The following RTL4 variants were observed in gnomAD, a reference collection of about 807,000 sequenced individuals.
The protein encoded by RTL4 is retrotransposon Gag-like protein 4.
RTL4 carries 4 observed loss-of-function variants against 5.3 expected under a neutral mutation model. The observed-to-expected ratio is 0.75, with a 90% CI of 0.37 to 1.72. The LOEUF is 1.72. Among genes scored for constraint, RTL4 ranks in the 40% most tolerant of loss-of-function variants. The pLI is 0.04. For missense variants in RTL4, 260 were observed against 227.1 expected (o/e 1.14, Z -0.93); for synonymous variants, 98 against 87.3 (o/e 1.12, Z -0.68).
the RTL4 span, among the ~76,000 whole-genome samples, chrX:112,441,880 T>A: frequency 8.9e-6 from 1 of 112,261 alleles, no homozygotes; most frequent in East Asian, 2.8e-4. Context: ...ATAACTCAGC[T>A]GTCCATCAGC....
the RTL4 span, among the ~76,000 whole-genome samples, chrX:112,425,213 T>G: frequency 1.8e-5 from 2 of 111,488 alleles, no homozygotes; most frequent in African/African-American, 6.5e-5. Flanking sequence ...CTTCTTGCAC[T>G]TTGTAATATG....
chrX:112,155,845 C>A, the RTL4 span, among the ~76,000 whole-genome samples: 15 of 111,410 alleles, frequency 1.3e-4, no homozygotes, highest in Non-Finnish European at 2.1e-4. Context: ...TTATCACCAA[C>A]AATCATTCCC....
At chrX:112,354,259 C>G in the RTL4 span, among the ~76,000 whole-genome samples, 1 of 110,922 alleles carries the variant, frequency 9.0e-6, no homozygotes, top group East Asian at 2.9e-4. Context: ...AATCCAGGCT[C>G]TACTACATAC....
At chrX:112,332,159 A>T in the RTL4 span, among the ~76,000 whole-genome samples, 3 of 87,682 alleles carry the variant, frequency 3.4e-5, no homozygotes, top group Non-Finnish European at 6.1e-5. Context: ...AAAGTACAAT[A>T]AAAAAAAAAA....
chrX:112,390,142 T>TATATA, the RTL4 span, among the ~76,000 whole-genome samples: 24 of 45,536 alleles, frequency 5.3e-4, no homozygotes, highest in Non-Finnish European at 8.6e-4. Context: ...TATATATATA[T>TATATA]ATATATATAT....
chrX:112,368,770 C>CACT, the RTL4 span, among the ~76,000 whole-genome samples: 1 of 112,062 alleles, frequency 8.9e-6, no homozygotes, highest in Non-Finnish European at 1.9e-5. Context: ...AACTGACAAG[C>CACT]TAAAGTGCTT....
the RTL4 span, among the ~76,000 whole-genome samples, chrX:112,167,113 G>T: frequency 1.8e-5 from 2 of 111,787 alleles, no homozygotes; most frequent in Non-Finnish European, 3.8e-5. Context: ...CCATGAGTTT[G>T]CATGTGCAAA....
At chrX:112,113,791 C>T in the RTL4 span, among the ~76,000 whole-genome samples, 1 of 111,906 alleles carries the variant, frequency 8.9e-6, no homozygotes, top group Non-Finnish European at 1.9e-5. Flanking sequence ...GCCAACCACA[C>T]TGATAACAAG....
chrX:112,127,627 G>A, the RTL4 span, among the ~76,000 whole-genome samples: 25 of 111,694 alleles, frequency 2.2e-4, no homozygotes, highest in Non-Finnish European at 1.9e-4. Flanking sequence ...AAAGGATGAA[G>A]TAAAACTCTG....
chrX:112,262,252 G>A, the RTL4 span, among the ~76,000 whole-genome samples: 121 of 111,424 alleles, frequency 1.1e-3, no homozygotes, highest in African/African-American at 3.6e-3. Context: ...CAGAGTGAAC[G>A]GGCAACCTAC....
the RTL4 span, among the ~76,000 whole-genome samples, chrX:112,119,848 T>C: frequency 8.9e-6 from 1 of 112,179 alleles, no homozygotes; most frequent in Non-Finnish European, 1.9e-5. Flanking sequence ...GTGTCATCTT[T>C]AAATTCAAAG....
At chrX:112,090,421 G>C in the RTL4 span, among the ~76,000 whole-genome samples, 1 of 110,894 alleles carries the variant, frequency 9.0e-6, no homozygotes, top group Non-Finnish European at 1.9e-5. Context: ...AGTTGCTTTC[G>C]GTTCATACTT....
At chrX:112,101,436 A>G in the RTL4 span, among the ~76,000 whole-genome samples, 1 of 111,728 alleles carries the variant, frequency 9.0e-6, no homozygotes, top group Non-Finnish European at 1.9e-5. Flanking sequence ...AAGGAGAAAA[A>G]TAAATCATGA....
the RTL4 span, among the ~76,000 whole-genome samples, chrX:112,107,800 C>T: frequency 9.0e-6 from 1 of 111,497 alleles, no homozygotes; most frequent in Non-Finnish European, 1.9e-5. Flanking sequence ...CTTTTTTTGA[C>T]TGAAACTGAT....
At chrX:112,085,238 AAAGCCAAAAATGG>A in the RTL4 span, among the ~76,000 whole-genome samples, 22 of 112,325 alleles carry the variant, frequency 2.0e-4, 1 homozygote, top group African/African-American at 6.1e-4. Context: ...AAAGTGGCTC[AAAGCCAAAAATGG>A]AAGCCACTAT....
the RTL4 span, among the ~76,000 whole-genome samples, chrX:112,353,511 T>G: frequency 5.4e-5 from 6 of 111,008 alleles, no homozygotes; most frequent in Non-Finnish European, 1.1e-4. Context: ...CCATAAAAAA[T>G]GATGAGTTCA....
the RTL4 span, among the ~76,000 whole-genome samples, chrX:112,226,115 G>A: frequency 4.5e-5 from 5 of 112,214 alleles, no homozygotes; most frequent in Non-Finnish European, 7.5e-5. Context: ...GAAGTTGGCA[G>A]TAACATAGGA....
chrX:112,087,383 A>G, the RTL4 span, among the ~76,000 whole-genome samples: 2 of 106,147 alleles, frequency 1.9e-5, no homozygotes, highest in Non-Finnish European at 3.9e-5. Flanking sequence ...CTCTTTAATG[A>G]AAAGAGTTCA....
chrX:112,354,965 C>A, the RTL4 span, among the ~76,000 whole-genome samples: 1 of 111,368 alleles, frequency 9.0e-6, no homozygotes, highest in Admixed American at 9.6e-5. Context: ...TCAACACTTT[C>A]TATGTTCTTA....
Sources: gnomAD v4.1 joint callset for allele counts (sites outside exome capture counted in the v4.1 genomes callset) on GRCh38, gnomAD v4.1.1 for gene constraint, MANE v1.5 for transcripts, NCBI Gene and HGNC (gene_info 2026-07-23, HGNC 2026-07-21) for gene names.